The following ADGRL4 variants were observed in gnomAD, a reference collection of about 807,000 sequenced individuals.
The protein encoded by ADGRL4 is EGF, latrophilin and seven transmembrane domain containing 1.
A neutral mutation model predicts 74.8 loss-of-function variants in ADGRL4; 90 were observed. The observed-to-expected ratio is 1.20, with a 90% confidence interval of 1.02 to 1.43. ADGRL4 has a LOEUF of 1.43. Ranked by LOEUF, ADGRL4 falls within the 40% of genes most tolerant of loss-of-function variation. The probability of loss-of-function intolerance (pLI) is 0.00; values close to 1 mark genes in which losing one functional copy is unlikely to be tolerated. For missense variants in ADGRL4, 881 were observed against 814.3 expected (o/e 1.08, Z -1.00); for synonymous variants, 311 against 279.2 (o/e 1.11, Z -1.14).
At chr1:78,918,697 C>T (rs1004791749) in intron 10 of ADGRL4, among the ~76,000 whole-genome samples, 3 of 151,670 alleles carry the variant, frequency 2.0e-5, no homozygotes, top group Admixed American at 1.3e-4. Context: ...ACTTTCCATA[C>T]TAGTAAAGCT....
chr1:78,940,676 C>T lies in ADGRL4; in HGVS notation c.326-1418G>A, dbSNP rs577462856. ...TTATATTAAATTAATAAATGAACAT[C>T]TAACCTTAAATTTATAATGTAATTT... On this transcript the variant is annotated intron_variant, in intron 3 of 14. Coordinates refer to ENST00000370742, the MANE Select transcript of ADGRL4 (RefSeq NM_022159.4). Among the ~76,000 whole-genome samples the T allele has an allele frequency of 1.0e-3, 155 of 152,202 alleles. 3 individuals are homozygous for T. The South Asian group carries it at 0.021, about 20-fold the overall frequency.
At chr1:78,923,835 G>A (rs1649051335) in intron 8 of ADGRL4, among the ~76,000 whole-genome samples, 1 of 150,428 alleles carries the variant, frequency 6.6e-6, no homozygotes, top group Non-Finnish European at 1.5e-5. Context: ...AATATTAGAA[G>A]CTCTGCTGGG....
chr1:78,964,098 C>G (rs1650007830), intron 2 of ADGRL4, among the ~76,000 whole-genome samples: 1 of 152,068 alleles, frequency 6.6e-6, no homozygotes, highest in Non-Finnish European at 1.5e-5. Flanking sequence ...TTTTCTGGAA[C>G]AGTGATCTGA....
chr1:78,965,051 C>A (rs6661036), intron 2 of ADGRL4, among the ~76,000 whole-genome samples: 1 of 151,750 alleles, frequency 6.6e-6, no homozygotes, highest in African/African-American at 2.4e-5. Context: ...GCTAAAATAT[C>A]CTTGGATTTT....
chr1:78,995,537 C>T (rs114097285), intron 2 of ADGRL4, among the ~76,000 whole-genome samples: 75 of 152,258 alleles, frequency 4.9e-4, no homozygotes, highest in African/African-American at 1.7e-3. Context: ...CTCCAGAGAT[C>T]AGAGTTTAAC....
chr1:78,907,817 AAAG>A (rs1290174347), intron 12 of ADGRL4, among the ~76,000 whole-genome samples: 2 of 151,994 alleles, frequency 1.3e-5, no homozygotes, highest in African/African-American at 2.4e-5. Flanking sequence ...CTCTTGAAAA[AAAG>A]AAGGTGAGCA....
rs1015506615 is a variant in ADGRL4 at position 78,908,896 on chromosome 1, A to C, written c.1749+8738T>G. 8.6e-5 allele frequency among the ~76,000 whole-genome samples: 13 copies of C among 151,986 alleles called. No homozygotes were observed. The Admixed American group carries it at 8.6e-4, about 10-fold the overall frequency. ...GGACATTATCTTTGAAGGTATTTCC[A>C]GTAAGAATATATCTCTCATATATAG... On this transcript the variant is annotated intron_variant, in intron 12 of 14. Transcript: ENST00000370742.
At chr1:78,988,951 T>C (rs1239250481) in intron 2 of ADGRL4, among the ~76,000 whole-genome samples, 1 of 151,918 alleles carries the variant, frequency 6.6e-6, no homozygotes, top group Non-Finnish European at 1.5e-5. Context: ...CAAGTCTTTT[T>C]ACAAATTTCA....
At chr1:78,914,206 C>T (rs998728769) in intron 12 of ADGRL4, among the ~76,000 whole-genome samples, 3 of 151,834 alleles carry the variant, frequency 2.0e-5, no homozygotes, top group African/African-American at 7.3e-5. Context: ...CAAACAAGGT[C>T]CTCCACCTCA....
chr1:78,942,174 A>AG (rs1491543189), intron 3 of ADGRL4, among the ~76,000 whole-genome samples: 1 of 9,546 alleles, frequency 1.0e-4, no homozygotes, highest in Non-Finnish European at 2.7e-4. Context: ...ACTCCGTCTC[A>AG]AAAAAAAAAA....
At chr1:78,949,629 C>T (rs1649681541) in intron 2 of ADGRL4, among the ~76,000 whole-genome samples, 1 of 152,052 alleles carries the variant, frequency 6.6e-6, no homozygotes, top group Non-Finnish European at 1.5e-5. Context: ...CAGTGTCCAA[C>T]TTCATAATAA....
chr1:78,939,791 A>G (rs1649437391), intron 3 of ADGRL4: 1 of 152,580 alleles, frequency 6.6e-6, no homozygotes, highest in Non-Finnish European at 1.5e-5. Flanking sequence ...CACTGCACTC[A>G]TCTATATCTG....
At chr1:78,909,319 C>A (rs983773307) in intron 12 of ADGRL4, among the ~76,000 whole-genome samples, 1 of 151,898 alleles carries the variant, frequency 6.6e-6, no homozygotes, top group African/African-American at 2.4e-5. Flanking sequence ...TAGAGGACTG[C>A]AAAATACAAT....
chr1:78,972,054 CAGGATTATTTTA>C (rs1650180079), intron 2 of ADGRL4, among the ~76,000 whole-genome samples: 1 of 152,168 alleles, frequency 6.6e-6, no homozygotes, highest in Admixed American at 6.5e-5. Context: ...CGTGCCCGGC[CAGGATTATTTTA>C]AGGATTAAAA....
At chr1:78,959,933 A>G (rs1337775058) in intron 2 of ADGRL4, among the ~76,000 whole-genome samples, 1 of 152,222 alleles carries the variant, frequency 6.6e-6, no homozygotes, top group African/African-American at 2.4e-5. Context: ...AAGTAATATA[A>G]TATAAAGAAT....
chr1:78,910,411 G>A (rs1302678457), intron 12 of ADGRL4, among the ~76,000 whole-genome samples: 1 of 151,702 alleles, frequency 6.6e-6, no homozygotes, highest in Non-Finnish European at 1.5e-5. Flanking sequence ...TAAGAGTAGT[G>A]ATACAGCAAC....
At position 78,935,843 on chromosome 1, in the gene ADGRL4, G is replaced by GAAACCACATGTTACATGTACATATGA. The variant is rs1212999867; in HGVS notation, c.877+451_877+452insTCATATGTACATGTAACATGTGGTTT. Reference sequence around the variant, plus strand: ...TCAAGTAAGAATATGGATATTCTGGGCCGGGCGCGGTGGCTCACGCTTGTA... The same window carrying GAAACCACATGTTACATGTACATATGA: ...TCAAGTAAGAATATGGATATTCTGGGAAACCACATGTTACATGTACATATGACCGGGCGCGGTGGCTCACGCTTGTA... On this transcript the variant is annotated intron_variant, in intron 7 of 14. Transcript: ENST00000370742. Among the ~76,000 whole-genome samples the GAAACCACATGTTACATGTACATATGA allele has an allele frequency of 4.7e-3, 130 of 27,766 alleles. 37 individuals carry two copies. The highest frequency in any genetic ancestry group is 0.056 in the Middle Eastern group (2 of 36). 18.2% of individuals were successfully genotyped at this position (27,766 alleles called of 152,430 possible). A position where few individuals can be genotyped will look rare whatever the true frequency, so the allele number is the denominator to read the frequency against.
intron 2 of ADGRL4, among the ~76,000 whole-genome samples, chr1:78,986,372 G>A (rs1650494793): frequency 6.6e-6 from 1 of 151,704 alleles, no homozygotes; most frequent in Admixed American, 6.6e-5. Flanking sequence ...GGTCAAGGCA[G>A]GAGGACTGTT....
chr1:78,954,645 G>A (rs1360100010), intron 2 of ADGRL4, among the ~76,000 whole-genome samples: 1 of 151,948 alleles, frequency 6.6e-6, no homozygotes, highest in African/African-American at 2.4e-5. Context: ...AAAGAAAATA[G>A]GGATGGCACA....
Sources: gnomAD v4.1 joint callset for allele counts (sites outside exome capture counted in the v4.1 genomes callset) on GRCh38, gnomAD v4.1.1 for gene constraint, MANE v1.5 for transcripts, NCBI Gene and HGNC (gene_info 2026-07-23, HGNC 2026-07-21) for gene names.